NDUFAF7: variants seen among roughly 807,000 people sequenced by gnomAD.
NDUFAF7 encodes NADH:ubiquinone oxidoreductase complex assembly factor 7, also known as protein arginine methyltransferase NDUFAF7, mitochondrial.
A neutral mutation model predicts 47.2 loss-of-function variants in NDUFAF7; 48 were observed. The ratio of observed to expected loss-of-function variants is 1.02; its 90% CI spans 0.81 to 1.29. NDUFAF7 has a LOEUF of 1.29. Ranked by LOEUF, NDUFAF7 falls within the 50% of genes most tolerant of loss-of-function variation. The pLI, the probability that NDUFAF7 is intolerant of heterozygous loss-of-function variation, is 0.00. For synonymous variants in NDUFAF7, 217 were observed against 190.0 expected, an observed-to-expected ratio of 1.14 and a Z score of -1.17; for missense variants, 635 against 537.6, an observed-to-expected ratio of 1.18 and a Z score of -1.79.
the NDUFAF7 span, chr2:37,269,240 C>A: frequency 4.6e-6 from 1 of 218,486 alleles, no homozygotes; most frequent in Non-Finnish European, 9.5e-6. Context: ...ATCATGCCAA[C>A]AGTAGACAAA....
chr2:37,261,572 G>A, the NDUFAF7 span, among the ~76,000 whole-genome samples: 10 of 152,042 alleles, frequency 6.6e-5, no homozygotes, highest in East Asian at 5.8e-4. Flanking sequence ...CCTGAGATCG[G>A]GAGTTCGAGA....
rs1482653570 is a variant in NDUFAF7 at position 37,248,450 on chromosome 2, T to G, written c.*100T>G. On this transcript the variant is annotated 3_prime_UTR_variant, in exon 10 of 10. Coordinates refer to ENST00000002125, the MANE Select transcript of NDUFAF7 (RefSeq NM_144736.5). The stretch of plus-strand genomic sequence containing the variant: ...AGGTAACAAAAGTCAAAGTATTTTA[T>G]CTTTTCACAGCAAGAACAGTCCATG... The G allele has an allele frequency of 6.0e-6, 7 of 1,159,990 alleles. No individual in the cohort carries two copies. The highest frequency in any genetic ancestry group is 9.0e-6 in the Non-Finnish European group (7 of 776,386). The allele number at this position is 1,159,990 out of a possible 1,614,324, so 71.9% of individuals were successfully genotyped here.
chr2:37,244,581 C>T (rs1459388189), intron 7 of NDUFAF7, among the ~76,000 whole-genome samples: 1 of 152,056 alleles, frequency 6.6e-6, no homozygotes, highest in East Asian at 1.9e-4. Flanking sequence ...CAAAAAAATC[C>T]CTGTACTTCT....
chr2:37,255,883 G>A (rs1333727551), downstream of NDUFAF7, among the ~76,000 whole-genome samples: 1 of 152,062 alleles, frequency 6.6e-6, no homozygotes, highest in Non-Finnish European at 1.5e-5. Flanking sequence ...GGCCCATGGT[G>A]CATACCCATC....
the NDUFAF7 span, among the ~76,000 whole-genome samples, chr2:37,266,992 C>T: frequency 9.2e-4 from 140 of 152,138 alleles, no homozygotes; most frequent in Admixed American, 4.9e-3. Context: ...AAATCATTGC[C>T]AATATATCTT....
In NDUFAF7 at chr2:37,241,792, G is replaced by GTAAT. The variant is rs1558498894; in HGVS notation, c.622+4_622+7dup. The stretch of plus-strand genomic sequence containing the variant: ...CGAGATCTGCACGATGTTCCAAAAG[G>GTAAT]TAATTACCTTTATGTGGATTAATGA... On this transcript the variant is annotated splice_donor_variant, in intron 5 of 9. Transcript: ENST00000002125. LOFTEE classifies it high-confidence loss of function. 8.7e-6 allele frequency: 14 copies of GTAAT among 1,612,218 alleles called. No individual in the cohort carries two copies. The highest frequency in any genetic ancestry group is 1.2e-5 in the Non-Finnish European group (14 of 1,179,400).
At chr2:37,256,789 C>T, downstream of NDUFAF7, 14 of 1,613,912 alleles carry the variant, frequency 8.7e-6, no homozygotes, top group Non-Finnish European at 1.2e-5. Context: ...TGATAACTCC[C>T]ACTGACCACA....
intron 3 of NDUFAF7, 71 bp downstream of exon 3, chr2:37,236,247 G>A: frequency 1.5e-6 from 2 of 1,300,414 alleles, no homozygotes; most frequent in Non-Finnish European, 2.2e-6. Flanking sequence ...GTATTATTCT[G>A]TAGTAGTGTT....
At chr2:37,270,471 C>T in the NDUFAF7 span, among the ~76,000 whole-genome samples, 4 of 151,732 alleles carry the variant, frequency 2.6e-5, no homozygotes, top group African/African-American at 9.7e-5. Flanking sequence ...TCTATCTTTC[C>T]TCACTGCTCT....
At chr2:37,253,982 T>TTC (rs1667732233), downstream of NDUFAF7, among the ~76,000 whole-genome samples, 1 of 152,234 alleles carries the variant, frequency 6.6e-6, no homozygotes, top group Non-Finnish European at 1.5e-5. Context: ...CACATAGGTC[T>TTC]ATGAAAGGCT....
chr2:37,256,633 T>A (rs775115049), downstream of NDUFAF7: 7,222 of 205,060 alleles, frequency 0.035, 87 homozygotes, highest in African/African-American at 0.11. Flanking sequence ...CCAAAATTTT[T>A]TTTTTTTTTT....
intron 6 of NDUFAF7, among the ~76,000 whole-genome samples, chr2:37,243,277 C>T (rs542835245): frequency 9.9e-5 from 15 of 152,198 alleles, no homozygotes; most frequent in African/African-American, 3.4e-4. Flanking sequence ...ATGACAAAAC[C>T]CTGTGTCTAC....
intron 4 of NDUFAF7, 52 bp from the exon 5 acceptor site, chr2:37,241,526 A>G (rs1363872822): frequency 2.1e-6 from 3 of 1,407,850 alleles, no homozygotes; most frequent in Non-Finnish European, 3.0e-6. Context: ...TGATTAGGAA[A>G]CTTAAAACCT....
chr2:37,269,611 T>C, the NDUFAF7 span: 1 of 1,606,602 alleles, frequency 6.2e-7, no homozygotes, highest in Non-Finnish European at 8.5e-7. Flanking sequence ...CTGTAGTTGC[T>C]TACCTCCATA....
chr2:37,267,130 T>A, the NDUFAF7 span, among the ~76,000 whole-genome samples: 1 of 152,204 alleles, frequency 6.6e-6, no homozygotes, highest in South Asian at 2.1e-4. Context: ...GACAAGCATG[T>A]CACCTGTGAA....
downstream of NDUFAF7, among the ~76,000 whole-genome samples, chr2:37,255,777 G>C (rs921379900): frequency 6.6e-6 from 1 of 152,168 alleles, no homozygotes; most frequent in African/African-American, 2.4e-5. Flanking sequence ...AGGTCAAGTT[G>C]GGAAGATCAA....
chr2:37,240,676 C>T (rs1666252627), intron 4 of NDUFAF7, among the ~76,000 whole-genome samples: 1 of 152,082 alleles, frequency 6.6e-6, no homozygotes. Context: ...TGTTCAAGTA[C>T]TTTAAAAGTT....
downstream of NDUFAF7, chr2:37,253,119 C>A: frequency 6.7e-7 from 1 of 1,487,614 alleles, no homozygotes; most frequent in South Asian, 1.3e-5. Flanking sequence ...GAACAAGTTA[C>A]ACAGCAAAAT....
the NDUFAF7 span, among the ~76,000 whole-genome samples, chr2:37,266,965 A>G: frequency 6.6e-6 from 1 of 152,362 alleles, no homozygotes; most frequent in Middle Eastern, 3.4e-3. Context: ...AAAAACACAT[A>G]GGAATTTATG....
Sources: gnomAD v4.1 joint callset for allele counts (sites outside exome capture counted in the v4.1 genomes callset) on GRCh38, gnomAD v4.1.1 for gene constraint, MANE v1.5 for transcripts, NCBI Gene and HGNC (gene_info 2026-07-23, HGNC 2026-07-21) for gene names.